The following CDH13 variants were observed in gnomAD, a reference collection of about 807,000 sequenced individuals.
CDH13 encodes the protein cadherin 13.
In CDH13, 24 loss-of-function variants were observed where a neutral mutation model predicts 63.8. That is an observed-to-expected ratio of 0.38 (90% CI 0.27 to 0.53). The LOEUF (loss-of-function observed/expected upper bound fraction) is 0.53. CDH13 is among the 20% of genes least tolerant of loss of function. The pLI, the probability that CDH13 is intolerant of heterozygous loss-of-function variation, is 0.85. For missense variants in CDH13, 1,049 were observed against 903.1 expected (o/e 1.16, Z -2.07); for synonymous variants, 503 against 355.3 (o/e 1.42, Z -4.67).
chr16:82,819,714 T>C (rs1310591393), intron 1 of CDH13, among the ~76,000 whole-genome samples: 1 of 152,216 alleles, frequency 6.6e-6, no homozygotes, highest in East Asian at 1.9e-4. Context: ...TTCTCCTCCT[T>C]TCTTCTTCAA....
intron 1 of CDH13, among the ~76,000 whole-genome samples, chr16:82,714,937 T>C (rs1488315261): frequency 8.5e-6 from 1 of 117,384 alleles, no homozygotes; most frequent in Non-Finnish European, 1.9e-5. Context: ...CCTCCAGAAC[T>C]GTGAGCGATC....
At chr16:83,683,096 G>A (rs764042401) in intron 10 of CDH13, among the ~76,000 whole-genome samples, 2 of 152,182 alleles carry the variant, frequency 1.3e-5, no homozygotes, top group Non-Finnish European at 2.9e-5. Flanking sequence ...TCAGCAAAGG[G>A]CGCCTTGATC....
At chr16:82,932,169 A>G (rs547170956) in intron 2 of CDH13, among the ~76,000 whole-genome samples, 1 of 152,290 alleles carries the variant, frequency 6.6e-6, no homozygotes, top group South Asian at 2.1e-4. Flanking sequence ...TTTGAGTCAT[A>G]TAGATGTAGG....
At chr16:82,975,164 G>A (rs893566263) in intron 2 of CDH13, among the ~76,000 whole-genome samples, 6 of 152,254 alleles carry the variant, frequency 3.9e-5, no homozygotes, top group African/African-American at 1.4e-4. Context: ...GGTGGTTGAG[G>A]TGAGATGGGG....
intron 2 of CDH13, among the ~76,000 whole-genome samples, chr16:82,940,075 A>G (rs13336299): frequency 0.021 from 3,176 of 152,294 alleles, 106 homozygotes; most frequent in African/African-American, 0.072. Context: ...TACCATGAGA[A>G]CAGTATGGGG....
At chr16:83,000,943 T>C (rs532742285) in intron 2 of CDH13, among the ~76,000 whole-genome samples, 1 of 152,316 alleles carries the variant, frequency 6.6e-6, no homozygotes, top group East Asian at 1.9e-4. Context: ...CTATTTGCTT[T>C]TCTCTCTTTC....
intron 1 of CDH13, among the ~76,000 whole-genome samples, chr16:82,664,958 C>G (rs979448634): frequency 3.9e-5 from 6 of 151,982 alleles, no homozygotes; most frequent in Admixed American, 1.3e-4. Context: ...TGAATTCTGT[C>G]TTTGTGAATT....
At chr16:82,877,810 A>T (rs58363744) in intron 2 of CDH13, among the ~76,000 whole-genome samples, 6,111 of 95,968 alleles carry the variant, frequency 0.064, 175 homozygotes, top group East Asian at 0.45. Context: ...TTTTTTTTTT[A>T]AATTTCCAGT....
intron 5 of CDH13, among the ~76,000 whole-genome samples, chr16:83,277,744 T>C (rs2089037713): frequency 6.6e-6 from 1 of 152,178 alleles, no homozygotes; most frequent in Non-Finnish European, 1.5e-5. Context: ...TTCTACTATA[T>C]TTTCTTTTGT....
At chr16:83,625,330 G>A (rs1280681626) in intron 8 of CDH13, among the ~76,000 whole-genome samples, 2 of 152,096 alleles carry the variant, frequency 1.3e-5, no homozygotes, top group South Asian at 4.1e-4. Flanking sequence ...TGGTTTATTG[G>A]TTCCTGTGTT....
At chr16:82,660,747 G>T (rs868605445) in intron 1 of CDH13, among the ~76,000 whole-genome samples, 5 of 152,180 alleles carry the variant, frequency 3.3e-5, no homozygotes, top group African/African-American at 1.2e-4. Context: ...AAAACAGCTT[G>T]ATTTGTAGGG....
chr16:83,441,259 C>G (rs1170633198), intron 6 of CDH13, among the ~76,000 whole-genome samples: 4 of 152,164 alleles, frequency 2.6e-5, no homozygotes, highest in African/African-American at 9.7e-5. Context: ...TTGAGTACCA[C>G]TCTGGTAATG....
At position 83,366,909 on chromosome 16, in the gene CDH13, A is replaced by G. The variant is rs2091268173; in HGVS notation, c.781+21903A>G. On this transcript the variant is annotated intron_variant, in intron 6 of 13. Coordinates refer to ENST00000567109, the MANE Select transcript of CDH13 (RefSeq NM_001257.5). ...TCTCATTCAGCCAACAGTATGTTTA[A>G]TACCCAAAGCCCTCTTTTTTTTTCT... 3.3e-5 allele frequency among the ~76,000 whole-genome samples: 5 copies of G among 152,316 alleles called. No individual in the cohort carries two copies. The South Asian group carries it at 8.3e-4, about 25-fold the overall frequency.
chr16:83,728,190 G>A (rs1355985855), intron 10 of CDH13, among the ~76,000 whole-genome samples: 3 of 152,198 alleles, frequency 2.0e-5, no homozygotes, highest in Middle Eastern at 6.8e-3. Context: ...GTCTATCCTC[G>A]ACCACAGGGT....
rs552929898 is a variant in CDH13, at chr16:83,187,168, A to G, written c.484-30177A>G. ...ATGTTTTTAGTAGAAATGGGGTTTC[A>G]CCATGTTGGCCTGGCTGGTCTTGAA... On this transcript the variant is annotated intron_variant, in intron 4 of 13. Coordinates refer to ENST00000567109, the MANE Select transcript of CDH13 (RefSeq NM_001257.5). Among the ~76,000 whole-genome samples the G allele has an allele frequency of 4.6e-5, 7 of 152,152 alleles. No individual in the cohort carries two copies. In the East Asian group the frequency reaches 1.4e-3, roughly 29 times the overall value.
At chr16:82,887,993 G>A (rs1662546428) in intron 2 of CDH13, among the ~76,000 whole-genome samples, 1 of 152,054 alleles carries the variant, frequency 6.6e-6, no homozygotes. Context: ...TAAACACACT[G>A]TTACTTCAGA....
At chr16:83,553,135 T>A (rs2150674029) in intron 7 of CDH13, among the ~76,000 whole-genome samples, 1 of 152,314 alleles carries the variant, frequency 6.6e-6, no homozygotes, top group Non-Finnish European at 1.5e-5. Context: ...TAGGAAGCAT[T>A]TATTACAGCT....
At chr16:83,089,684 C>T (rs1448380146) in intron 3 of CDH13, among the ~76,000 whole-genome samples, 4 of 151,818 alleles carry the variant, frequency 2.6e-5, no homozygotes, top group African/African-American at 9.7e-5. Context: ...GTAATGAATT[C>T]GAGTCTGAAT....
chr16:83,280,376 C>T (rs760413855), intron 5 of CDH13, among the ~76,000 whole-genome samples: 2 of 152,216 alleles, frequency 1.3e-5, no homozygotes, highest in African/African-American at 4.8e-5. Flanking sequence ...AATTCTTCAT[C>T]CATTCATGTT....
Sources: allele counts gnomAD v4.1 joint callset (sites outside exome capture counted in the v4.1 genomes callset), GRCh38; gene constraint gnomAD v4.1.1; transcripts MANE v1.5; gene names NCBI Gene and HGNC (gene_info 2026-07-23, HGNC 2026-07-21).